Variants in CTSB observed in about 807,000 individuals in gnomAD.
CTSB encodes the protein APP secretase.
A neutral mutation model predicts 44.3 loss-of-function variants in CTSB; 57 were observed. The observed-to-expected ratio is 1.29, with a 90% CI of 1.04 to 1.60. The LOEUF (loss-of-function observed/expected upper bound fraction) is 1.60. Ranked by LOEUF, CTSB falls within the 40% of genes most tolerant of loss-of-function variation. The probability of loss-of-function intolerance (pLI) is 0.00; values close to 1 mark genes in which losing one functional copy is unlikely to be tolerated. For missense variants in CTSB, 768 were observed against 443.0 expected (o/e 1.73, Z -6.59); for synonymous variants, 320 against 168.0 (o/e 1.91, Z -7.00).
At chr8:11,853,640 C>A (rs1293295) in intron 1 of CTSB, 161 bp from the exon 2 acceptor site, 167,483 of 678,130 alleles carry the variant, frequency 0.25, 23,331 homozygotes, top group Middle Eastern at 0.31. Flanking sequence ...TCCCCGCCCC[C>A]CTGCCCGAAG....
At chr8:11,854,934 A>C (rs1293298) in intron 1 of CTSB, 37,767 of 152,290 alleles carry the variant, frequency 0.25, 5,101 homozygotes, top group African/African-American at 0.32. Context: ...GCCAGAGAGG[A>C]AACAGGACAG....
In CTSB at chr8:11,856,321, T is replaced by C. The variant is rs553111818; in HGVS notation, c.-25-2842A>G. Among the ~76,000 whole-genome samples the C allele has an allele frequency of 4.1e-4, 63 of 152,096 alleles. 1 individual carries two copies. In the Middle Eastern group the frequency reaches 0.017, roughly 41 times the overall value. On this transcript the variant is annotated intron_variant, in intron 1 of 9. Transcript: ENST00000353047. The stretch of plus-strand genomic sequence containing the variant: ...TTACGGTAAGTGGTTAAATAGAATA[T>C]GAAGCAACCATTAAAAAAGCAATTA...
At chr8:11,862,131 C>T (rs1389440465) in intron 1 of CTSB, among the ~76,000 whole-genome samples, 2 of 150,604 alleles carry the variant, frequency 1.3e-5, no homozygotes, top group South Asian at 2.1e-4. Context: ...GGCGTGAACC[C>T]GGGAGGCGGA....
At position 11,844,692 on chromosome 8, in the gene CTSB, A is replaced by G. The variant is rs553527197; in HGVS notation, c.*433T>C. The G allele has an allele frequency of 6.0e-6, 1 of 165,976 alleles. No homozygotes were observed. Among genetic ancestry groups the G allele is most frequent in the Non-Finnish European group, 1.3e-5 (1 of 76,324 alleles). 10.3% of individuals were successfully genotyped at this position (165,976 alleles called of 1,614,324 possible). On this transcript the variant is annotated 3_prime_UTR_variant, in exon 10 of 10. Coordinates refer to ENST00000353047, the MANE Select transcript of CTSB (RefSeq NM_001908.5). Reference sequence around the variant, plus strand: ...TGGCGTTCTCCAAAGGGCTCCCAACACCGTCTCTCCTCTGATTTCTGTGAC... The same window carrying G: ...TGGCGTTCTCCAAAGGGCTCCCAACGCCGTCTCTCCTCTGATTTCTGTGAC...
At chr8:11,848,996 C>T (rs765041485) in intron 5 of CTSB, 50 bp downstream of exon 5, 7 of 1,384,552 alleles carry the variant, frequency 5.1e-6, no homozygotes, top group Non-Finnish European at 7.2e-6. Flanking sequence ...GAAGCTGGGG[C>T]CCAGGGTCTC....
rs776700185 is a variant in CTSB at position 11,847,033 on chromosome 8, A to G, written c.793+19T>C. On this transcript the variant is annotated intron_variant, in intron 8 of 9. Transcript: ENST00000353047. The stretch of plus-strand genomic sequence containing the variant: ...CTCCCGACCCCCACCCTCTATTGCC[A>G]TCAGCCATCAGCACGCACCTGACTT... 1.2e-6 allele frequency: 1 copy of G among 841,190 alleles called. No homozygotes were observed. The highest frequency in any genetic ancestry group is 1.9e-6 in the Non-Finnish European group (1 of 523,132). The allele number at this position is 841,190 out of a possible 1,614,324, so 52.1% of individuals were successfully genotyped here.
At chr8:11,847,871 A>AAGCCCCAGCTGGGTGAGGC (rs3215434) in intron 6 of CTSB, 49 bp from the exon 7 acceptor site, 541 of 1,555,224 alleles carry the variant, frequency 3.5e-4, no homozygotes, top group African/African-American at 5.5e-4. Flanking sequence ...CCCCACGGAG[A>AAGCCCCAGCTGGGTGAGGC]AGACCTGGGG....
In CTSB at chr8:11,860,655, A is replaced by C. The variant is rs905726093; in HGVS notation, c.-25-7176T>G. Reference sequence around the variant, plus strand: ...AACAAAACAAAACAAAACAAAAACAAAAGTCAAGTGCTTACATTTTGCCAG... The same window carrying C: ...AACAAAACAAAACAAAACAAAAACACAAGTCAAGTGCTTACATTTTGCCAG... On this transcript the variant is annotated intron_variant, in intron 1 of 9. Transcript: ENST00000353047. 9.9e-5 allele frequency among the ~76,000 whole-genome samples: 15 copies of C among 152,084 alleles called. 1 individual carries two copies. The highest frequency in any genetic ancestry group is 5.2e-4 in the Admixed American group (8 of 15,266).
In CTSB at chr8:11,844,533, C is replaced by T. The variant is rs2130968576; in HGVS notation, c.*592G>A. 1 of 152,514 alleles carries T rather than the reference C, an allele frequency of 6.6e-6. No homozygotes were observed. The highest frequency in any genetic ancestry group is 2.4e-5 in the African/African-American group (1 of 41,572). 9.4% of individuals were successfully genotyped at this position (152,514 alleles called of 1,614,324 possible). A position where few individuals can be genotyped will look rare whatever the true frequency, so the allele number is the denominator to read the frequency against. ...CTGTAAAACTAGCACAGGTCTCCCGCTGTTCCACTGGCTCACCCACATGAT... is the reference window on the plus strand; with the variant it reads ...CTGTAAAACTAGCACAGGTCTCCCGTTGTTCCACTGGCTCACCCACATGAT... On this transcript the variant is annotated 3_prime_UTR_variant, in exon 10 of 10. Transcript: ENST00000353047.
Position 11,845,196 on chromosome 8 carries a change from C to G in CTSB, c.949G>C (p.Asp317His). 2 of 1,613,800 alleles carry G rather than the reference C, an allele frequency of 1.2e-6. No individual in the cohort carries two copies. Among genetic ancestry groups the G allele is most frequent in the Non-Finnish European group, 1.7e-6 (2 of 1,179,696 alleles). ...ACTTCTGATTCGATTCCACAGTGAT[C>G]CTGTCCTCTGAGTATTTTAAAGAAG... is the stretch of plus-strand genomic sequence containing the variant. ...NGFFKILRGQ[D>H]HCGIESEVVA... Residue 317 changes from aspartate to histidine, a missense_variant, in exon 10 of 10, where the codon GAT becomes CAT. Physicochemically the swap from Asp to His is moderately conservative, Grantham distance 81. Coordinates refer to ENST00000353047, the MANE Select transcript of CTSB (RefSeq NM_001908.5).
In CTSB at chr8:11,850,436, AAAAAAGAAAG is replaced by A. The variant is rs1343073653; in HGVS notation, c.327+420_327+429del. Among the ~76,000 whole-genome samples the A allele has an allele frequency of 5.6e-5, 7 of 126,042 alleles. 1 individual carries two copies. Among genetic ancestry groups the A allele is most frequent in the Middle Eastern group, 8.6e-3 (2 of 232 alleles). The allele number at this position is 126,042 out of a possible 152,430, so 82.7% of individuals were successfully genotyped here. The stretch of plus-strand genomic sequence containing the variant: ...TCCATCTCCAAAAAAAAAAAAAAAA[AAAAAAGAAAG>A]AAAAAGAAAACAAAAGAAGATTGCT... On this transcript the variant is annotated intron_variant, in intron 4 of 9. Transcript: ENST00000353047.
At position 11,844,913 on chromosome 8, in the gene CTSB, G is replaced by A. The variant is rs986546752; in HGVS notation, c.*212C>T. 2 of 575,912 alleles carry A rather than the reference G, an allele frequency of 3.5e-6. No homozygotes were observed. Among genetic ancestry groups the A allele is most frequent in the Non-Finnish European group, 3.1e-6 (1 of 321,902 alleles). The allele number at this position is 575,912 out of a possible 1,614,324, so 35.7% of individuals were successfully genotyped here. On this transcript the variant is annotated 3_prime_UTR_variant, in exon 10 of 10. Coordinates refer to ENST00000353047, the MANE Select transcript of CTSB (RefSeq NM_001908.5). ...GTCTACAGGGGGAAGGACGCTCTGT[G>A]CTGGCAGCGGTGGCTCACATGGCCT...
At chr8:11,850,761 A>G (rs773492102) in intron 4 of CTSB, 105 bp downstream of exon 4, 40 of 689,372 alleles carry the variant, frequency 5.8e-5, no homozygotes, top group Non-Finnish European at 8.8e-5. Flanking sequence ...GAAAGTTTCT[A>G]TAACTTGCCT....
At chr8:11,857,600 C>T (rs1470552344) in intron 1 of CTSB, among the ~76,000 whole-genome samples, 1 of 152,168 alleles carries the variant, frequency 6.6e-6, no homozygotes, top group Non-Finnish European at 1.5e-5. Context: ...CAGGCAGCTG[C>T]CATGTCCAGT....
intron 4 of CTSB, among the ~76,000 whole-genome samples, chr8:11,850,412 C>G (rs1257716172): frequency 3.1e-5 from 3 of 96,524 alleles, no homozygotes; most frequent in African/African-American, 8.8e-5. Context: ...GAGCAAGACT[C>G]CATCTCCAAA....
chr8:11,842,590 G>T lies in CTSB; in HGVS notation c.*2535C>A, dbSNP rs1179630022. 6.6e-6 allele frequency: 1 copy of T among 151,974 alleles called. No individual in the cohort carries two copies. Among genetic ancestry groups the T allele is most frequent in the Non-Finnish European group, 1.5e-5 (1 of 68,004 alleles). 9.4% of individuals were successfully genotyped at this position (151,974 alleles called of 1,614,324 possible). On this transcript the variant is annotated 3_prime_UTR_variant, in exon 10 of 10. Coordinates refer to ENST00000353047, the MANE Select transcript of CTSB (RefSeq NM_001908.5). ...CTACTTGAAACTGGAAGGATAAGTG[G>T]TTATGAATTTGTGGCTTATGGTAAC...
chr8:11,862,665 C>G (rs771329609), intron 1 of CTSB, among the ~76,000 whole-genome samples: 1 of 152,220 alleles, frequency 6.6e-6, no homozygotes, highest in Non-Finnish European at 1.5e-5. Flanking sequence ...TTCCAACCCT[C>G]GAATGGGAAA....
chr8:11,861,916 C>A lies in CTSB; in HGVS notation c.-26+6085G>T, dbSNP rs10217075. On this transcript the variant is annotated intron_variant, in intron 1 of 9. Coordinates refer to ENST00000353047, the MANE Select transcript of CTSB (RefSeq NM_001908.5). ...GACGCGAAGGCCAGCCACAGAAAGG[C>A]CTAGCTCTGGGCCGGGCATGCTGGC... 1.1e-3 allele frequency among the ~76,000 whole-genome samples: 174 copies of A among 152,316 alleles called. 1 individual carries two copies. Among genetic ancestry groups the A allele is most frequent in the African/African-American group, 4.1e-3 (171 of 41,564 alleles).
chr8:11,853,308 G>A, intron 2 of CTSB, 21 bp downstream of exon 2: 8 of 1,612,356 alleles, frequency 5.0e-6, no homozygotes, highest in Non-Finnish European at 6.8e-6. Context: ...GACATACATA[G>A]GACGCAGCCC....
Sources: allele counts gnomAD v4.1 joint callset (sites outside exome capture counted in the v4.1 genomes callset), GRCh38; gene constraint gnomAD v4.1.1; transcripts MANE v1.5; gene names NCBI Gene and HGNC (gene_info 2026-07-23, HGNC 2026-07-21).